The following ASXL1 variants were observed in gnomAD, a reference collection of about 807,000 sequenced individuals.
The protein encoded by ASXL1 is polycomb group protein ASXL1.
In ASXL1, 65 loss-of-function variants were observed where a neutral mutation model predicts 89.1. The ratio of observed to expected loss-of-function variants is 0.73; its 90% CI spans 0.60 to 0.90. The LOEUF (loss-of-function observed/expected upper bound fraction) is 0.90, where lower values mean the gene tolerates loss of function less well. Among genes scored for constraint, ASXL1 ranks in the 40% least tolerant of loss-of-function variants. The probability of loss-of-function intolerance (pLI) is 0.00; values close to 1 mark genes in which losing one functional copy is unlikely to be tolerated. For synonymous variants in ASXL1, 739 were observed against 746.9 expected, an observed-to-expected ratio of 0.99 and a Z score of 0.17; for missense variants, 1,786 against 1,942.9, an observed-to-expected ratio of 0.92 and a Z score of 1.52.
intron 4 of ASXL1, among the ~76,000 whole-genome samples, chr20:32,412,362 A>G (rs2049063540): frequency 6.6e-6 from 1 of 152,188 alleles, no homozygotes; most frequent in African/African-American, 2.4e-5. Context: ...AACAAATCTA[A>G]CTAGAACTCA....
chr20:32,420,712 T>C (rs1262987191), intron 4 of ASXL1, among the ~76,000 whole-genome samples: 2 of 152,148 alleles, frequency 1.3e-5, no homozygotes, highest in African/African-American at 4.8e-5. Flanking sequence ...CAAAATGTAT[T>C]TGTAAAAGGA....
At chr20:32,367,627 A>T in intron 2 of ASXL1, 100 bp from the exon 3 acceptor site, 1 of 769,050 alleles carries the variant, frequency 1.3e-6, no homozygotes, top group South Asian at 1.4e-5. Context: ...ACTTGTACTT[A>T]TCCACTGTGT....
intron 1 of ASXL1, among the ~76,000 whole-genome samples, chr20:32,363,598 A>G (rs2048158547): frequency 1.3e-5 from 2 of 152,194 alleles, no homozygotes; most frequent in African/African-American, 4.8e-5. Flanking sequence ...TTCACTCTCA[A>G]CTGTCCTGGT....
Position 32,435,131 on chromosome 20 carries a change from G to A in ASXL1, c.2419G>A (p.Val807Ile), listed in dbSNP as rs138624526. ...TGATGATGAGGAGCAAGGACCCACC[G>A]TTCCTGCAGACAATGGTCCCATTCC... ...ESDDEEQGPT[V>I]PADNGPIPSL... is the part of the protein sequence containing the mutation. Residue 807 changes from valine to isoleucine, a missense_variant, in exon 13 of 13, where the codon GTT (valine) becomes ATT (isoleucine). This residue lies in a region of ASXL1 where 1,418 missense variants were observed against 1,427.8 expected (regional missense o/e 0.99). Coordinates refer to ENST00000375687, the MANE Select transcript of ASXL1 (RefSeq NM_015338.6). 68 of 1,613,962 alleles carry A rather than the reference G, an allele frequency of 4.2e-5. 1 individual carries two copies. Among genetic ancestry groups the A allele is most frequent in the African/African-American group, 3.9e-4 (29 of 75,050 alleles).
At chr20:32,407,320 G>A (rs919976921) in intron 4 of ASXL1, among the ~76,000 whole-genome samples, 2 of 151,344 alleles carry the variant, frequency 1.3e-5, no homozygotes, top group African/African-American at 4.9e-5. Context: ...CTCCAACCTG[G>A]GCAACAGAGC....
intron 4 of ASXL1, among the ~76,000 whole-genome samples, chr20:32,415,443 T>G (rs2049121923): frequency 6.6e-6 from 1 of 152,204 alleles, no homozygotes; most frequent in Non-Finnish European, 1.5e-5. Context: ...AAATCTGTTT[T>G]CCTCTGGAGT....
At chr20:32,427,488 C>T (rs1008218480) in intron 4 of ASXL1, 1 of 163,144 alleles carries the variant, frequency 6.1e-6, no homozygotes, top group Admixed American at 5.6e-5. Flanking sequence ...CTCGTGCCCT[C>T]TCTAGCTTCC....
chr20:32,414,815 A>G (rs546382724), intron 4 of ASXL1, among the ~76,000 whole-genome samples: 7 of 152,102 alleles, frequency 4.6e-5, no homozygotes, highest in African/African-American at 1.7e-4. Context: ...CCATTTCTGA[A>G]AGTGTTTTCT....
chr20:32,375,773 C>T (rs1434596121), intron 4 of ASXL1, among the ~76,000 whole-genome samples: 1 of 151,976 alleles, frequency 6.6e-6, no homozygotes, highest in Non-Finnish European at 1.5e-5. Flanking sequence ...ACCTCTGCCT[C>T]CTGTGCTCAA....
Position 32,435,582 on chromosome 20 carries a change from C to A in ASXL1, c.2870C>A (p.Thr957Asn). Reference protein sequence around the residue: ...EEGLDPLDSLTSLWTVPSRGG... With the variant: ...EEGLDPLDSLNSLWTVPSRGG... ...GGTCTAGATCCTCTTGACAGCCTTA[C>A]TTCACTCTGGACTGTGCCATCTCGA... The change falls in exon 13 of 13, where the codon ACT becomes AAT. Residue 957 changes from threonine (T) to asparagine (N), a missense_variant. Thr to Asn is a moderately conservative substitution (Grantham distance 65). Transcript: ENST00000375687. The A allele has an allele frequency of 2.5e-6, 4 of 1,614,142 alleles. No individual in the cohort carries two copies. In the South Asian group the frequency reaches 4.4e-5, roughly 18 times the overall value.
At chr20:32,416,960 C>A (rs1411651352) in intron 4 of ASXL1, among the ~76,000 whole-genome samples, 1 of 152,116 alleles carries the variant, frequency 6.6e-6, no homozygotes, top group African/African-American at 2.4e-5. Flanking sequence ...TGATACAGAT[C>A]TATAGTCCCT....
Position 32,429,435 on chromosome 20 carries a change from T to A in ASXL1, c.565+4T>A, listed in dbSNP as rs768374951. ...GCCCACGTGGAATCTGCATCAGGTA[T>A]GTGTAAACTCATGGTTGTGATGCTT... On this transcript the variant is annotated splice_donor_region_variant and intron_variant, in intron 7 of 12. Transcript: ENST00000375687. The surrounding 1 kb of genome is among the most constrained non-coding windows in gnomAD (Gnocchi z 4.9). 1 of 1,613,126 alleles carries A rather than the reference T, an allele frequency of 6.2e-7. No homozygotes were observed. The highest frequency in any genetic ancestry group is 8.5e-7 in the Non-Finnish European group (1 of 1,179,096).
intron 4 of ASXL1, among the ~76,000 whole-genome samples, chr20:32,415,556 C>T (rs558028238): frequency 6.6e-6 from 1 of 152,326 alleles, no homozygotes; most frequent in South Asian, 2.1e-4. Context: ...TTCTCAGCCC[C>T]TGCCTCTCAA....
chr20:32,375,459 AAG>A (rs2048361639), intron 4 of ASXL1, among the ~76,000 whole-genome samples: 1 of 151,610 alleles, frequency 6.6e-6, no homozygotes, highest in Non-Finnish European at 1.5e-5. Flanking sequence ...AAAAAAAAAA[AAG>A]AAAAAAAGAA....
intron 10 of ASXL1, chr20:32,432,564 G>T: frequency 2.8e-6 from 1 of 353,084 alleles, no homozygotes; most frequent in South Asian, 2.4e-5. Flanking sequence ...TCAGCCAAGG[G>T]CTGTTCTTTT....
At chr20:32,397,804 G>A (rs781486123) in intron 4 of ASXL1, among the ~76,000 whole-genome samples, 2 of 152,246 alleles carry the variant, frequency 1.3e-5, no homozygotes, top group Non-Finnish European at 2.9e-5. Flanking sequence ...TGTGCGACCT[G>A]CTGGCCGCAG....
At chr20:32,398,987 C>G (rs1010560495) in intron 4 of ASXL1, among the ~76,000 whole-genome samples, 26 of 151,648 alleles carry the variant, frequency 1.7e-4, no homozygotes, top group African/African-American at 6.3e-4. Flanking sequence ...CCTATAATCC[C>G]AGCACTTTGG....
At chr20:32,411,620 C>T (rs185575025) in intron 4 of ASXL1, among the ~76,000 whole-genome samples, 42 of 149,290 alleles carry the variant, frequency 2.8e-4, no homozygotes, top group Non-Finnish European at 5.6e-4. Context: ...TGGCTCACTG[C>T]AGCCTCTGCC....
chr20:32,436,670 G>A lies in ASXL1; in HGVS notation c.3958G>A (p.Ala1320Thr). ...TGCAACCCTTCAGCGCCCCAGGCCTGCGGACCCGATGCCTCTTCCTGCTGA... is the reference window on the plus strand; with the variant it reads ...TGCAACCCTTCAGCGCCCCAGGCCTACGGACCCGATGCCTCTTCCTGCTGA... ...VAATLQRPRP[A>T]DPMPLPAEIP... The change falls in exon 13 of 13, where the codon GCG (alanine) becomes ACG (threonine). Residue 1320 changes from alanine to threonine, a missense_variant. Coordinates refer to ENST00000375687, the MANE Select transcript of ASXL1 (RefSeq NM_015338.6). 1 of 1,613,992 alleles carries A rather than the reference G, an allele frequency of 6.2e-7. No individual in the cohort carries two copies. Among genetic ancestry groups the A allele is most frequent in the Non-Finnish European group, 8.5e-7 (1 of 1,180,038 alleles).
Sources: gnomAD v4.1 joint callset for allele counts (sites outside exome capture counted in the v4.1 genomes callset) on GRCh38, gnomAD v4.1.1 for gene constraint, gnomAD v4.1.1 regional missense constraint, Gnocchi (gnomAD v3.1) non-coding constraint, MANE v1.5 for transcripts, NCBI Gene and HGNC (gene_info 2026-07-23, HGNC 2026-07-21) for gene names.